The following ARHGEF10 variants were observed in gnomAD, a reference collection of about 807,000 sequenced individuals.
ARHGEF10 encodes Rho guanine nucleotide exchange factor (GEF) 10.
Under a neutral mutation model 147.4 loss-of-function variants are expected in ARHGEF10, and 140 were observed. The observed-to-expected ratio is 0.95, with a 90% CI of 0.83 to 1.09. The LOEUF is 1.09. ARHGEF10 is among the 50% of genes least tolerant of loss of function. ARHGEF10 has a pLI of 0.00. For missense variants in ARHGEF10, 2,222 were observed against 1,752.7 expected, an observed-to-expected ratio of 1.27 and a Z score of -4.78; for synonymous variants, 902 against 695.8, an observed-to-expected ratio of 1.30 and a Z score of -4.67.
At chr8:1,925,732 A>G (rs570555472) in intron 22 of ARHGEF10, among the ~76,000 whole-genome samples, 2 of 152,272 alleles carry the variant, frequency 1.3e-5, no homozygotes, top group African/African-American at 4.8e-5. Context: ...CTTGGCAAGC[A>G]GTCTGTTTCC....
rs1268434027 is a variant in ARHGEF10, at chr8:1,952,775, A to G, written c.3468A>G (p.Gly1156=). 6.2e-7 allele frequency: 1 copy of G among 1,613,616 alleles called. No individual in the cohort carries two copies. The highest frequency in any genetic ancestry group is 8.5e-7 in the Non-Finnish European group (1 of 1,180,044). Residue 1156 remains glycine (G), a synonymous_variant, in exon 28 of 29, where the codon GGA becomes GGG. Transcript: ENST00000349830. Reference sequence around the variant, plus strand: ...TGCTGATGGTCGGCACCAGCCTGGGAGTCCTCGTGGCCCTGCCGGTCCCAC... The same window carrying G: ...TGCTGATGGTCGGCACCAGCCTGGGGGTCCTCGTGGCCCTGCCGGTCCCAC... The part of the protein sequence containing the change: ...HGLLMVGTSL[G]VLVALPVPRL...
At chr8:1,869,594 C>A in intron 7 of ARHGEF10, 3 of 413,516 alleles carry the variant, frequency 7.3e-6, no homozygotes, top group Non-Finnish European at 9.0e-6. Context: ...GAGAATCAGG[C>A]AAAGGTAATA....
rs200377892 is a variant in ARHGEF10, at chr8:1,905,433, CG to C, written c.1822-134del. The C allele has an allele frequency of 1.7e-3, 1,800 of 1,088,422 alleles. 24 individuals carry two copies. In the African/African-American group the frequency reaches 0.024, roughly 14 times the overall value. 67.4% of individuals were successfully genotyped at this position (1,088,422 alleles called of 1,614,324 possible). A position where few individuals can be genotyped will look rare whatever the true frequency, so the allele number is the denominator to read the frequency against. On this transcript the variant is annotated intron_variant, in intron 16 of 28. Coordinates refer to ENST00000349830, the MANE Select transcript of ARHGEF10 (RefSeq NM_014629.4). ...AGGAGGCGGATGTTCAGCGCAGTCA[CG>C]GGGAACATAGGAACGATTTCCGTAA... is the stretch of plus-strand genomic sequence containing the variant.
At position 1,909,467 on chromosome 8, in the gene ARHGEF10, C is replaced by T. The variant is rs1394872692; in HGVS notation, c.2140C>T (p.Pro714Ser). The T allele has an allele frequency of 1.2e-6, 2 of 1,613,856 alleles. No homozygotes were observed. Among genetic ancestry groups the T allele is most frequent in the Admixed American group, 1.7e-5 (1 of 60,000 alleles). Residue 714 changes from proline to serine, a missense_variant, in exon 18 of 29, where the codon CCA (proline) becomes TCA (serine). Coordinates refer to ENST00000349830, the MANE Select transcript of ARHGEF10 (RefSeq NM_014629.4). ...ESLAVVANAK[P>S]NKVYMGPGQL... ...CCTGGCCGTGGTTGCTAACGCGAAACCAAGTAAGTGATGCTTTCTCTCACG... is the reference window on the plus strand; with the variant it reads ...CCTGGCCGTGGTTGCTAACGCGAAATCAAGTAAGTGATGCTTTCTCTCACG...
chr8:1,863,954 C>T (rs1180989934), intron 4 of ARHGEF10, among the ~76,000 whole-genome samples: 1 of 152,060 alleles, frequency 6.6e-6, no homozygotes, highest in Non-Finnish European at 1.5e-5. Context: ...GCGGATGCCC[C>T]TTCAGGCCAG....
chr8:1,905,615 G>A lies in ARHGEF10; in HGVS notation c.1866G>A (p.Met622Ile). 1 of 1,614,188 alleles carries A rather than the reference G, an allele frequency of 6.2e-7. No homozygotes were observed. The highest frequency in any genetic ancestry group is 1.6e-4 in the Middle Eastern group (1 of 6,062). ...GATACCTCATTCGATCAGATGATATGATAGAAACAGTTTACAACGACAGAG... is the reference window on the plus strand; with the variant it reads ...GATACCTCATTCGATCAGATGATATAATAGAAACAGTTTACAACGACAGAG... The part of the protein sequence containing the change: ...GSRYLIRSDD[M>I]IETVYNDRGE... Residue 622 changes from methionine to isoleucine, a missense_variant, in exon 17 of 29, where the codon ATG becomes ATA. By Grantham distance (10) the Met-to-Ile change is conservative. Transcript: ENST00000349830.
chr8:1,846,836 G>A (rs370134913), intron 2 of ARHGEF10, among the ~76,000 whole-genome samples: 56 of 152,316 alleles, frequency 3.7e-4, no homozygotes, highest in Admixed American at 1.7e-3. Flanking sequence ...GTTGGCCTCC[G>A]AAAGTGATGG....
chr8:1,882,872 C>T (rs1367021820), intron 10 of ARHGEF10, 123 bp downstream of exon 10: 3 of 862,512 alleles, frequency 3.5e-6, no homozygotes, highest in Non-Finnish European at 3.8e-6. Context: ...GGAGCACCAG[C>T]CTGCTCAGTG....
intron 11 of ARHGEF10, among the ~76,000 whole-genome samples, chr8:1,889,085 C>T (rs868023784): frequency 1.6e-3 from 61 of 37,330 alleles, no homozygotes; most frequent in South Asian, 4.0e-3. Context: ...GTGAGGGGTC[C>T]GTGAGGAGAC....
intron 14 of ARHGEF10, among the ~76,000 whole-genome samples, chr8:1,897,990 CA>C (rs1323599463): frequency 6.6e-6 from 1 of 152,164 alleles, no homozygotes; most frequent in African/African-American, 2.4e-5. Context: ...CCCCCCAGGT[CA>C]ACATTGCCCA....
chr8:1,862,102 G>A (rs922480519), intron 4 of ARHGEF10, among the ~76,000 whole-genome samples: 1 of 152,318 alleles, frequency 6.6e-6, no homozygotes, highest in African/African-American at 2.4e-5. Flanking sequence ...GGATGTGAAC[G>A]CAGACCTCCT....
intron 1 of ARHGEF10, among the ~76,000 whole-genome samples, chr8:1,829,090 G>T (rs1432448094): frequency 6.6e-6 from 1 of 152,248 alleles, no homozygotes; most frequent in Non-Finnish European, 1.5e-5. Flanking sequence ...CACCTGGGGG[G>T]CGGCCAACCA....
intron 15 of ARHGEF10, among the ~76,000 whole-genome samples, chr8:1,900,526 C>G (rs1468926583): frequency 6.6e-6 from 1 of 152,142 alleles, no homozygotes; most frequent in Admixed American, 6.6e-5. Context: ...AGGATGCCAG[C>G]CAGGACTTTG....
At chr8:1,880,246 G>A in intron 9 of ARHGEF10, 82 bp downstream of exon 9, 3 of 956,196 alleles carry the variant, frequency 3.1e-6, no homozygotes. Context: ...GGTCCTTGCT[G>A]TCTCAACAGC....
intron 26 of ARHGEF10, among the ~76,000 whole-genome samples, chr8:1,935,073 C>G (rs1471749474): frequency 6.6e-6 from 1 of 152,188 alleles, no homozygotes; most frequent in Non-Finnish European, 1.5e-5. Flanking sequence ...AACTTAGCCT[C>G]CTTAGCAACT....
chr8:1,914,959 G>A (rs1811646698), intron 18 of ARHGEF10, among the ~76,000 whole-genome samples: 2 of 152,210 alleles, frequency 1.3e-5, no homozygotes, highest in Non-Finnish European at 2.9e-5. Flanking sequence ...CGACACTGAG[G>A]TCGGCGTGCC....
At position 1,894,417 on chromosome 8, in the gene ARHGEF10, A is replaced by T. The variant is rs752402108; in HGVS notation, c.1285A>T (p.Met429Leu). The T allele has an allele frequency of 1.1e-5, 17 of 1,614,102 alleles. No individual in the cohort carries two copies. Among genetic ancestry groups the T allele is most frequent in the Admixed American group, 1.7e-5 (1 of 60,012 alleles). The change falls in exon 13 of 29, where the codon ATG becomes TTG. Residue 429 changes from methionine to leucine, a missense_variant. Transcript: ENST00000349830. ...LEQYEKPLSE[M>L]EPKVLSERKL... ...GCAATATGAGAAGCCGCTGTCTGAG[A>T]TGGAGCCAAAGGTTCTGAGTGAGAG...
intron 23 of ARHGEF10, among the ~76,000 whole-genome samples, chr8:1,927,724 C>A (rs182671406): frequency 6.6e-6 from 1 of 152,200 alleles, no homozygotes; most frequent in Admixed American, 6.5e-5. Context: ...ACCAGCCTGG[C>A]CAAACATAGT....
At chr8:1,897,523 A>T (rs1296065359) in intron 14 of ARHGEF10, among the ~76,000 whole-genome samples, 1 of 146,964 alleles carries the variant, frequency 6.8e-6, no homozygotes, top group East Asian at 2.0e-4. Context: ...GCTCTGTCCT[A>T]AGGCATCGGA....
Sources: gnomAD v4.1 joint callset for allele counts (sites outside exome capture counted in the v4.1 genomes callset) on GRCh38, gnomAD v4.1.1 for gene constraint, MANE v1.5 for transcripts, NCBI Gene and HGNC (gene_info 2026-07-23, HGNC 2026-07-21) for gene names.